ERBB2: variants seen among roughly 807,000 people sequenced by gnomAD.
ERBB2 encodes erb-b2 receptor tyrosine kinase 2.
ERBB2 carries 61 observed loss-of-function variants against 149.0 expected under a neutral mutation model. The observed-to-expected ratio is 0.41, with a 90% confidence interval of 0.33 to 0.51. The LOEUF (loss-of-function observed/expected upper bound fraction) is 0.51, where lower values mean the gene tolerates loss of function less well. ERBB2 is among the 20% of genes least tolerant of loss of function. The pLI, the probability that ERBB2 is intolerant of heterozygous loss-of-function variation, is 0.25. For synonymous variants in ERBB2, 633 were observed against 678.8 expected, an observed-to-expected ratio of 0.93 and a Z score of 1.05; for missense variants, 1,205 against 1,655.1, an observed-to-expected ratio of 0.73 and a Z score of 4.72.
intron 9 of ERBB2, 63 bp downstream of exon 9, chr17:39,712,511 G>A (rs902708318): frequency 1.3e-6 from 2 of 1,582,402 alleles, no homozygotes; most frequent in African/African-American, 2.7e-5. Flanking sequence ...GGATCCAGAT[G>A]TGGCAGCATC....
intron 1 of ERBB2, among the ~76,000 whole-genome samples, chr17:39,701,367 G>T (rs748888000): frequency 5.3e-5 from 8 of 152,150 alleles, no homozygotes; most frequent in Admixed American, 1.3e-4. Flanking sequence ...CTAGTAAGTG[G>T]TGGGGTCAAG....
At chr17:39,702,123 G>A (rs2058145476) in intron 1 of ERBB2, among the ~76,000 whole-genome samples, 1 of 152,288 alleles carries the variant, frequency 6.6e-6, no homozygotes, top group Non-Finnish European at 1.5e-5. Context: ...GGGCAACAAG[G>A]CAAAACTCTG....
rs2145709110 is a variant in ERBB2, at chr17:39,717,394, G to C, written c.1812G>C (p.Val604=). The change falls in exon 15 of 27, where the codon GTG becomes GTC. Residue 604 remains valine, a synonymous_variant. Coordinates refer to ENST00000269571, the MANE Select transcript of ERBB2 (RefSeq NM_004448.4). The stretch of plus-strand genomic sequence containing the variant: ...GCGTGGCCCGCTGCCCCAGCGGTGT[G>C]AAACCTGACCTCTCCTACATGCCCA... ...PFCVARCPSG[V]KPDLSYMPIW... The C allele has an allele frequency of 1.2e-6, 2 of 1,613,042 alleles. No homozygotes were observed. The highest frequency in any genetic ancestry group is 1.7e-6 in the Non-Finnish European group (2 of 1,179,998).
At chr17:39,709,923 G>A in intron 5 of ERBB2, 42 bp downstream of exon 5, 1 of 1,591,340 alleles carries the variant, frequency 6.3e-7, no homozygotes, top group Non-Finnish European at 8.6e-7. Flanking sequence ...GGGGAGGGCT[G>A]GGGCCGGGTG....
At chr17:39,716,691 GGGT>G (rs1435552004) in intron 14 of ERBB2, 86 bp downstream of exon 14, 20 of 1,192,646 alleles carry the variant, frequency 1.7e-5, no homozygotes, top group Non-Finnish European at 2.4e-5. Flanking sequence ...AGATGCAGTA[GGGT>G]GTGCTATCTG....
chr17:39,715,884 T>C lies in ERBB2; in HGVS notation c.1458T>C (p.Phe486=), dbSNP rs539260608. Residue 486 remains phenylalanine (F), a synonymous_variant, in exon 12 of 27, where the codon TTT becomes TTC. Coordinates refer to ENST00000269571, the MANE Select transcript of ERBB2 (RefSeq NM_004448.4). ...FVHTVPWDQL[F]RNPHQALLHT... is the part of the protein sequence containing the mutation. ...ACACGGTGCCCTGGGACCAGCTCTT[T>C]CGGAACCCGCACCAAGCTCTGCTCC... is the stretch of plus-strand genomic sequence containing the variant. The C allele has an allele frequency of 1.2e-6, 2 of 1,612,510 alleles. No homozygotes were observed. Among genetic ancestry groups the C allele is most frequent in the East Asian group, 4.5e-5 (2 of 44,880 alleles).
chr17:39,720,060 C>T (rs2059366780), intron 16 of ERBB2: 2 of 558,310 alleles, frequency 3.6e-6, no homozygotes, highest in South Asian at 4.0e-5. Flanking sequence ...CCAGTCCCTC[C>T]ACACCCTAGA....
rs780805775 is a variant in ERBB2, at chr17:39,727,122, C to G, written c.3159+119C>G. On this transcript the variant is annotated intron_variant, in intron 25 of 26. Coordinates refer to ENST00000269571, the MANE Select transcript of ERBB2 (RefSeq NM_004448.4). The surrounding 1 kb of genome is among the most constrained non-coding windows in gnomAD (Gnocchi z 4.3). ...ACCTCTCAAGGAAACCCCATTATCC[C>G]TACAAAAAATTCTTACTGCCTTCCA... 6.4e-6 allele frequency: 8 copies of G among 1,249,352 alleles called. No homozygotes were observed. The highest frequency in any genetic ancestry group is 6.7e-6 in the Non-Finnish European group (6 of 898,746). The allele number at this position is 1,249,352 out of a possible 1,614,324, so 77.4% of individuals were successfully genotyped here.
At chr17:39,724,989 T>A (rs1006088441) in intron 20 of ERBB2, 60 bp from the exon 21 acceptor site, 1 of 1,608,968 alleles carries the variant, frequency 6.2e-7, no homozygotes, top group African/African-American at 1.3e-5. Flanking sequence ...GGACTCTTGC[T>A]GGGCATGTGG....
chr17:39,703,017 A>G (rs1291300440), intron 1 of ERBB2, among the ~76,000 whole-genome samples: 1 of 152,256 alleles, frequency 6.6e-6, no homozygotes, highest in Non-Finnish European at 1.5e-5. Context: ...GTTCAGGCGA[A>G]TGACCTTTCC....
At chr17:39,724,115 G>A (rs1429361318) in intron 19 of ERBB2, 105 bp downstream of exon 19, 40 of 746,286 alleles carry the variant, frequency 5.4e-5, no homozygotes, top group Non-Finnish European at 8.0e-5. Flanking sequence ...TATGACTCCC[G>A]CAAACCTAGA....
chr17:39,720,753 G>A (rs1025844579), intron 16 of ERBB2, among the ~76,000 whole-genome samples: 4 of 151,890 alleles, frequency 2.6e-5, no homozygotes, highest in Admixed American at 1.3e-4. Context: ...GGGTTCAAGC[G>A]CTTCTTGTGC....
intron 9 of ERBB2, 86 bp downstream of exon 9, chr17:39,712,534 C>A (rs575525028): frequency 6.6e-7 from 1 of 1,504,388 alleles, no homozygotes; most frequent in Non-Finnish European, 9.1e-7. Flanking sequence ...TTGGGGATGG[C>A]AGGAGACAGA....
At chr17:39,694,238 T>A (rs867718782), upstream of ERBB2, among the ~76,000 whole-genome samples, 4 of 20,370 alleles carry the variant, frequency 2.0e-4, no homozygotes, top group African/African-American at 6.8e-4. Context: ...TATATATATA[T>A]ATATATATAT....
At chr17:39,716,140 C>A in intron 12 of ERBB2, 161 bp from the exon 13 acceptor site, 3 of 986,422 alleles carry the variant, frequency 3.0e-6, no homozygotes, top group Non-Finnish European at 2.9e-6. Context: ...TCCTTCCCTC[C>A]CCCTCTGTTT....
intron 2 of ERBB2, 83 bp from the exon 3 acceptor site, chr17:39,708,238 T>G (rs1474370699): frequency 9.5e-7 from 1 of 1,053,434 alleles, no homozygotes; most frequent in Admixed American, 2.2e-5. Context: ...TTGCCCAAGA[T>G]CTCCAAGTAC....
rs2059736473 is a variant in ERBB2, at chr17:39,725,994, A to G, written c.2872+141A>G. Reference sequence around the variant, plus strand: ...GTTAGGAGCCTCAAAACCTTCTTGTATCCCTTTTACAGTCAAAGTCCAAAG... The same window carrying G: ...GTTAGGAGCCTCAAAACCTTCTTGTGTCCCTTTTACAGTCAAAGTCCAAAG... On this transcript the variant is annotated intron_variant, in intron 23 of 26. Coordinates refer to ENST00000269571, the MANE Select transcript of ERBB2 (RefSeq NM_004448.4). This position sits in a 1 kb window ranked among gnomAD's most constrained non-coding sequence, Gnocchi z 4.6. The G allele has an allele frequency of 2.4e-6, 2 of 830,354 alleles. No homozygotes were observed. Among genetic ancestry groups the G allele is most frequent in the Non-Finnish European group, 3.8e-6 (2 of 530,922 alleles). The allele number at this position is 830,354 out of a possible 1,614,324, so 51.4% of individuals were successfully genotyped here.
chr17:39,704,077 T>G (rs1036687884), intron 1 of ERBB2, among the ~76,000 whole-genome samples: 1 of 152,210 alleles, frequency 6.6e-6, no homozygotes, highest in African/African-American at 2.4e-5. Flanking sequence ...TGACCTCAAC[T>G]GGTCCCTTTT....
intron 15 of ERBB2, among the ~76,000 whole-genome samples, chr17:39,718,915 G>A (rs1414537989): frequency 6.6e-6 from 1 of 152,152 alleles, no homozygotes; most frequent in Non-Finnish European, 1.5e-5. Context: ...TTATCACAAG[G>A]ATATATTCAT....
Sources: allele counts gnomAD v4.1 joint callset (sites outside exome capture counted in the v4.1 genomes callset), GRCh38; gene constraint gnomAD v4.1.1; non-coding constraint Gnocchi (gnomAD v3.1); transcripts MANE v1.5; gene names NCBI Gene and HGNC (gene_info 2026-07-23, HGNC 2026-07-21).